Variants in POU3F3 observed in about 807,000 individuals in gnomAD.
The protein encoded by POU3F3 is POU domain, class 3, transcription factor 3.
POU3F3 carries 1 observed loss-of-function variant against 8.6 expected under a neutral mutation model. That is an observed-to-expected ratio of 0.12 (90% CI 0.04 to 0.55). POU3F3 has a LOEUF of 0.55. Ranked by LOEUF, POU3F3 falls within the 20% of genes least tolerant of loss-of-function variation. The pLI, the probability that POU3F3 is intolerant of heterozygous loss-of-function variation, is 0.91. For missense variants in POU3F3, 577 were observed against 690.7 expected (o/e 0.84, Z 1.84); for synonymous variants, 418 against 327.4 (o/e 1.28, Z -2.99).
the POU3F3 span, among the ~76,000 whole-genome samples, chr2:104,894,492 G>A: frequency 6.6e-6 from 1 of 152,144 alleles, no homozygotes; most frequent in Non-Finnish European, 1.5e-5. Flanking sequence ...TAACAGTTCA[G>A]CCCAGGCTTC....
the POU3F3 span, among the ~76,000 whole-genome samples, chr2:104,924,268 T>C: frequency 4.2e-3 from 644 of 152,314 alleles, 3 homozygotes; most frequent in South Asian, 0.024. Flanking sequence ...GGAAAGATGA[T>C]GTTACAGATT....
chr2:104,909,767 T>TA, the POU3F3 span, among the ~76,000 whole-genome samples: 5 of 152,250 alleles, frequency 3.3e-5, no homozygotes, highest in Non-Finnish European at 7.3e-5. Flanking sequence ...TTATGCGAAT[T>TA]TTATTTAATT....
chr2:104,863,972 G>A, the POU3F3 span, among the ~76,000 whole-genome samples: 1 of 152,230 alleles, frequency 6.6e-6, no homozygotes. Flanking sequence ...CCTGCGCGCC[G>A]CACGGGGCGG....
At chr2:104,881,023 T>C in the POU3F3 span, among the ~76,000 whole-genome samples, 6 of 152,244 alleles carry the variant, frequency 3.9e-5, no homozygotes, top group Admixed American at 1.3e-4. Context: ...TTATTTCTTA[T>C]AGATTTTAGA....
In POU3F3 at chr2:104,857,909, G is replaced by T. The variant is rs1676606970; in HGVS notation, c.*896G>T. 6.6e-6 allele frequency: 1 copy of T among 152,140 alleles called. No individual in the cohort carries two copies. The highest frequency in any genetic ancestry group is 2.4e-5 in the African/African-American group (1 of 41,432). The allele number at this position is 152,140 out of a possible 1,614,324, so 9.4% of individuals were successfully genotyped here. On this transcript the variant is annotated 3_prime_UTR_variant, in exon 1 of 1. Coordinates refer to ENST00000361360, the MANE Select transcript of POU3F3 (RefSeq NM_006236.3). ...AACGTCCGCTGAGGAGTGGCGAGAG[G>T]CCCCGGCCGAGTCGGGTCGCGGGCG...
At chr2:104,872,170 C>T in the POU3F3 span, 6 of 452,452 alleles carry the variant, frequency 1.3e-5, no homozygotes, top group Non-Finnish European at 2.2e-5. This position sits in a 1 kb window ranked among gnomAD's most constrained non-coding sequence, Gnocchi z 4.6. Flanking sequence ...TGCAGGGATG[C>T]CCTGCGCCCG....
At chr2:104,901,928 A>C in the POU3F3 span, among the ~76,000 whole-genome samples, 1 of 152,212 alleles carries the variant, frequency 6.6e-6, no homozygotes, top group African/African-American at 2.4e-5. Context: ...ATTACTCATG[A>C]GTGGAAATGG....
At chr2:104,885,999 G>T in the POU3F3 span, among the ~76,000 whole-genome samples, 8 of 152,090 alleles carry the variant, frequency 5.3e-5, no homozygotes, top group Admixed American at 3.9e-4. Flanking sequence ...GTTTCACCAT[G>T]TTGGCCAAGC....
the POU3F3 span, among the ~76,000 whole-genome samples, chr2:104,882,243 A>ATTT: frequency 9.0e-6 from 1 of 111,284 alleles, no homozygotes; most frequent in Non-Finnish European, 1.8e-5. Flanking sequence ...GAAAACCTGA[A>ATTT]TTTTTTTTTT....
chr2:104,868,231 C>T, the POU3F3 span: 1 of 456,244 alleles, frequency 2.2e-6, no homozygotes, highest in Non-Finnish European at 4.4e-6. Flanking sequence ...TGCTCTGGCA[C>T]CTCGCGGTCT....
chr2:104,861,568 T>A (rs1306667519), downstream of POU3F3, among the ~76,000 whole-genome samples: 1 of 152,186 alleles, frequency 6.6e-6, no homozygotes, highest in Non-Finnish European at 1.5e-5. Flanking sequence ...AGGTTATCAG[T>A]GACCCAGAAA....
At chr2:104,859,555 C>T (rs1358879366), downstream of POU3F3, among the ~76,000 whole-genome samples, 1 of 152,156 alleles carries the variant, frequency 6.6e-6, no homozygotes, top group Non-Finnish European at 1.5e-5. Flanking sequence ...CTCATCTTCA[C>T]TCCCTCTCCC....
the POU3F3 span, among the ~76,000 whole-genome samples, chr2:104,887,265 C>T: frequency 6.6e-6 from 1 of 152,170 alleles, no homozygotes; most frequent in African/African-American, 2.4e-5. Context: ...CTTGTGCCAA[C>T]CTTCTATCTC....
chr2:104,923,537 C>A, the POU3F3 span, among the ~76,000 whole-genome samples: 2 of 151,240 alleles, frequency 1.3e-5, no homozygotes, highest in Non-Finnish European at 2.9e-5. Flanking sequence ...AGAGTATACA[C>A]AAAAGGAAAT....
chr2:104,855,518 C>T lies in POU3F3; in HGVS notation c.8C>T (p.Thr3Met). MA[T>M]AASNPYLPGN... ...TGGCGGGAGCGGAGCGGCATGGCCA[C>T]GGCGGCTTCTAACCCCTACCTGCCG... Residue 3 changes from threonine (T) to methionine (M), a missense_variant, in exon 1 of 1, where the codon ACG becomes ATG. Thr to Met is a moderately conservative substitution (Grantham distance 81). Coordinates refer to ENST00000361360, the MANE Select transcript of POU3F3 (RefSeq NM_006236.3). The T allele has an allele frequency of 2.0e-6, 2 of 1,021,216 alleles. No homozygotes were observed. The highest frequency in any genetic ancestry group is 5.2e-5 in the Admixed American group (1 of 19,054). The allele number at this position is 1,021,216 out of a possible 1,614,324, so 63.3% of individuals were successfully genotyped here.
chr2:104,878,154 G>T, the POU3F3 span, among the ~76,000 whole-genome samples: 1 of 152,198 alleles, frequency 6.6e-6, no homozygotes, highest in Admixed American at 6.5e-5. Context: ...CTGGTTTCTA[G>T]TAGGTCAGCT....
the POU3F3 span, among the ~76,000 whole-genome samples, chr2:104,894,882 C>G: frequency 4.6e-5 from 7 of 152,334 alleles, no homozygotes; most frequent in South Asian, 1.2e-3. Context: ...CTCCCAGGTC[C>G]TAGGGCTGCC....
At chr2:104,909,878 T>C in the POU3F3 span, among the ~76,000 whole-genome samples, 1 of 152,226 alleles carries the variant, frequency 6.6e-6, no homozygotes, top group South Asian at 2.1e-4. Flanking sequence ...TACTTCTTCA[T>C]ATATAATTCT....
At chr2:104,909,392 C>T in the POU3F3 span, among the ~76,000 whole-genome samples, 1 of 152,236 alleles carries the variant, frequency 6.6e-6, no homozygotes, top group Non-Finnish European at 1.5e-5. Context: ...CCCTGGGATA[C>T]AAAAGGAAGA....
Sources: gnomAD v4.1 joint callset for allele counts (sites outside exome capture counted in the v4.1 genomes callset) on GRCh38, gnomAD v4.1.1 for gene constraint, Gnocchi (gnomAD v3.1) non-coding constraint, MANE v1.5 for transcripts, NCBI Gene and HGNC (gene_info 2026-07-23, HGNC 2026-07-21) for gene names.